The following SMAD2 variants were observed in gnomAD, a reference collection of about 807,000 sequenced individuals.
The protein encoded by SMAD2 is SMAD family member 2.
SMAD2 carries 8 observed loss-of-function variants against 64.4 expected under a neutral mutation model. The observed-to-expected ratio is 0.12, with a 90% CI of 0.07 to 0.22. The LOEUF (loss-of-function observed/expected upper bound fraction) is 0.22, where lower values mean the gene tolerates loss of function less well. Among genes scored for constraint, SMAD2 ranks in the 10% least tolerant of loss-of-function variants. SMAD2 has a pLI of 1.00. For missense variants in SMAD2, 289 were observed against 561.2 expected, an observed-to-expected ratio of 0.51 and a Z score of 4.90; for synonymous variants, 203 against 195.8, an observed-to-expected ratio of 1.04 and a Z score of -0.31.
intron 5 of SMAD2, 112 bp downstream of exon 5, chr18:47,868,211 A>G (rs1181758351): frequency 4.3e-6 from 4 of 929,472 alleles, no homozygotes; most frequent in Non-Finnish European, 7.0e-6. Context: ...TTTTCTATTA[A>G]AAACTCAAAA....
chr18:47,850,547 TAATATATA>T (rs1915273713), intron 7 of SMAD2, among the ~76,000 whole-genome samples: 3 of 41,662 alleles, frequency 7.2e-5, no homozygotes, highest in African/African-American at 3.2e-4. Context: ...GTTATATATA[TAATATATA>T]TTATGTATAA....
intron 1 of SMAD2, among the ~76,000 whole-genome samples, chr18:47,897,612 T>C (rs1357250070): frequency 1.3e-5 from 2 of 152,218 alleles, no homozygotes; most frequent in Non-Finnish European, 2.9e-5. Flanking sequence ...ATATTCCTTA[T>C]TTTGTATATC....
rs1914347536 is a variant in SMAD2, at chr18:47,844,956, C to G, written c.1280+384G>C. 5 of 403,158 alleles carry G rather than the reference C, an allele frequency of 1.2e-5. No individual in the cohort carries two copies. The South Asian group carries it at 2.2e-4, about 18-fold the overall frequency. 25.0% of individuals were successfully genotyped at this position (403,158 alleles called of 1,614,324 possible). A position where few individuals can be genotyped will look rare whatever the true frequency, so the allele number is the denominator to read the frequency against. ...TTGTCAAGATTATCACTTCCCAACT[C>G]TGCCCACCCCATTTATGACTATTGA... On this transcript the variant is annotated intron_variant, in intron 10 of 10. Coordinates refer to ENST00000262160, the MANE Select transcript of SMAD2 (RefSeq NM_005901.6).
intron 2 of SMAD2, among the ~76,000 whole-genome samples, chr18:47,879,823 G>A (rs2032484524): frequency 6.6e-6 from 1 of 152,032 alleles, no homozygotes; most frequent in Admixed American, 6.6e-5. Flanking sequence ...AGAGCTCCTG[G>A]TTATTCCAAA....
intron 2 of SMAD2, among the ~76,000 whole-genome samples, chr18:47,885,383 G>A (rs149211895): frequency 0.011 from 1,677 of 152,208 alleles, 29 homozygotes; most frequent in African/African-American, 0.035. Flanking sequence ...GGCCAGGCTG[G>A]TCTCGAACTC....
chr18:47,924,388 C>T (rs976942766), intron 1 of SMAD2, among the ~76,000 whole-genome samples: 3 of 152,068 alleles, frequency 2.0e-5, no homozygotes, highest in Admixed American at 6.6e-5. Flanking sequence ...ACGGGCCCAG[C>T]TTCCACTGCA....
In SMAD2 at chr18:47,848,817, G is replaced by A. The variant is rs1238083253; in HGVS notation, c.785-130C>T. The A allele has an allele frequency of 5.8e-6, 4 of 687,412 alleles. No individual in the cohort carries two copies. In the East Asian group the frequency reaches 8.1e-5, roughly 14 times the overall value. 42.6% of individuals were successfully genotyped at this position (687,412 alleles called of 1,614,324 possible). On this transcript the variant is annotated intron_variant, in intron 7 of 10. Coordinates refer to ENST00000262160, the MANE Select transcript of SMAD2 (RefSeq NM_005901.6). ...TGCACTGGCAAAAGCTCAGGAAGTAGACATAGTATCTGTATCGGTTTCCAC... is the reference window on the plus strand; with the variant it reads ...TGCACTGGCAAAAGCTCAGGAAGTAAACATAGTATCTGTATCGGTTTCCAC...
chr18:47,906,364 C>T (rs79154733), intron 1 of SMAD2, among the ~76,000 whole-genome samples: 1,620 of 152,086 alleles, frequency 0.011, 13 homozygotes, highest in Non-Finnish European at 0.018. Flanking sequence ...TAACATAAAC[C>T]AACAAAATTT....
intron 1 of SMAD2, among the ~76,000 whole-genome samples, chr18:47,904,006 A>C (rs1382607470): frequency 6.6e-6 from 1 of 151,960 alleles, no homozygotes; most frequent in African/African-American, 2.4e-5. Flanking sequence ...ACTTTTCAAG[A>C]GATGACAGAT....
At chr18:47,850,377 A>G (rs185205093) in intron 7 of SMAD2, among the ~76,000 whole-genome samples, 547 of 15,012 alleles carry the variant, frequency 0.036, 11 homozygotes, top group East Asian at 0.044. Flanking sequence ...TATATATTAT[A>G]TATATTATAT....
intron 6 of SMAD2, among the ~76,000 whole-genome samples, chr18:47,854,664 A>G (rs192490914): frequency 2.0e-5 from 3 of 152,094 alleles, no homozygotes; most frequent in Non-Finnish European, 4.4e-5. Flanking sequence ...AAAATCTGTT[A>G]TATCTTTTAA....
chr18:47,833,329 G>C lies in SMAD2; in HGVS notation c.*8498C>G, dbSNP rs1913098148. On this transcript the variant is annotated 3_prime_UTR_variant, in exon 11 of 11. Transcript: ENST00000262160. Reference sequence around the variant, plus strand: ...TAAATAGACTAAAATATTTGGTGTAGGTGGGAGAAAGACATCAGTATTCAA... The same window carrying C: ...TAAATAGACTAAAATATTTGGTGTACGTGGGAGAAAGACATCAGTATTCAA... The C allele has an allele frequency of 9.1e-6, 2 of 220,680 alleles. No individual in the cohort carries two copies. The highest frequency in any genetic ancestry group is 1.8e-5 in the Non-Finnish European group (2 of 110,210). The allele number at this position is 220,680 out of a possible 1,614,324, so 13.7% of individuals were successfully genotyped here. A position where few individuals can be genotyped will look rare whatever the true frequency, so the allele number is the denominator to read the frequency against.
Position 47,828,847 on chromosome 18 carries a change from T to C in SMAD2, c.*12980A>G, listed in dbSNP as rs1912880351. On this transcript the variant is annotated 3_prime_UTR_variant, in exon 11 of 11. Coordinates refer to ENST00000262160, the MANE Select transcript of SMAD2 (RefSeq NM_005901.6). ...AAAACCAGAGACCCTTGTTCACATG[T>C]TTATCTGCTGACCTTCCCTCCACTA... 1 of 160,140 alleles carries C rather than the reference T, an allele frequency of 6.2e-6. No individual in the cohort carries two copies. Among genetic ancestry groups the C allele is most frequent in the South Asian group, 2.0e-4 (1 of 4,952 alleles). The allele number at this position is 160,140 out of a possible 1,614,324, so 9.9% of individuals were successfully genotyped here. A position where few individuals can be genotyped will look rare whatever the true frequency, so the allele number is the denominator to read the frequency against.
rs1319813017 is a variant in SMAD2 at position 47,817,745 on chromosome 18, C to T, written c.*24082G>A. 6.6e-6 allele frequency: 1 copy of T among 152,222 alleles called. No homozygotes were observed. The highest frequency in any genetic ancestry group is 1.5e-5 in the Non-Finnish European group (1 of 68,038). 9.4% of individuals were successfully genotyped at this position (152,222 alleles called of 1,614,324 possible). On this transcript the variant is annotated 3_prime_UTR_variant, in exon 11 of 11. Transcript: ENST00000262160. ...TTCGTTTCGATATGGTTACATGCAT[C>T]TGTAAATGATTTGGCTCTTTTCCCC...
chr18:47,924,624 G>A (rs2034691918), intron 1 of SMAD2, among the ~76,000 whole-genome samples: 1 of 151,948 alleles, frequency 6.6e-6, no homozygotes, highest in Admixed American at 6.6e-5. Flanking sequence ...ACCACACCCA[G>A]CTAATTTTTG....
At chr18:47,852,422 C>T (rs2030204103) in intron 6 of SMAD2, among the ~76,000 whole-genome samples, 2 of 152,070 alleles carry the variant, frequency 1.3e-5, no homozygotes, top group Admixed American at 6.6e-5. Context: ...CATTGGCTTT[C>T]AGGCTAACAG....
At chr18:47,922,838 G>T (rs529440589) in intron 1 of SMAD2, among the ~76,000 whole-genome samples, 1 of 152,182 alleles carries the variant, frequency 6.6e-6, no homozygotes, top group Non-Finnish European at 1.5e-5. Flanking sequence ...TCTCCAAAGC[G>T]TAAGCTAGTA....
intron 1 of SMAD2, among the ~76,000 whole-genome samples, chr18:47,924,173 A>G (rs75982214): frequency 6.8e-6 from 1 of 148,040 alleles, no homozygotes; most frequent in African/African-American, 2.5e-5. Flanking sequence ...GCTTGAACCT[A>G]GGAGGCGGAG....
At chr18:47,886,682 T>C (rs1042158994) in intron 2 of SMAD2, 6 of 152,306 alleles carry the variant, frequency 3.9e-5, no homozygotes, top group African/African-American at 1.5e-4. Flanking sequence ...AGAAGTCTCC[T>C]TATATATTTC....
Sources: allele counts gnomAD v4.1 joint callset (sites outside exome capture counted in the v4.1 genomes callset), GRCh38; gene constraint gnomAD v4.1.1; transcripts MANE v1.5; gene names NCBI Gene and HGNC (gene_info 2026-07-23, HGNC 2026-07-21).